The following PDE8A variants were observed in gnomAD, a reference collection of about 807,000 sequenced individuals.
PDE8A encodes phosphodiesterase 8A.
In PDE8A, 59 loss-of-function variants were observed where a neutral mutation model predicts 105.0. That is an observed-to-expected ratio of 0.56 (90% CI 0.46 to 0.70). The LOEUF (loss-of-function observed/expected upper bound fraction) is 0.70, where lower values mean the gene tolerates loss of function less well. Ranked by LOEUF, PDE8A falls within the 30% of genes least tolerant of loss-of-function variation. PDE8A has a pLI of 0.00. For synonymous variants in PDE8A, 355 were observed against 371.9 expected (o/e 0.95, Z 0.52); for missense variants, 1,014 against 1,045.9 (o/e 0.97, Z 0.42).
chr15:85,088,329 C>G (rs1222724855), intron 6 of PDE8A, among the ~76,000 whole-genome samples: 1 of 152,174 alleles, frequency 6.6e-6, no homozygotes, highest in Non-Finnish European at 1.5e-5. Flanking sequence ...CCAGCCCAAT[C>G]TACTTTCTGT....
At position 85,092,333 on chromosome 15, in the gene PDE8A, T is replaced by G. The variant is rs573274766; in HGVS notation, c.852+1152T>G. On this transcript the variant is annotated intron_variant, in intron 8 of 21. Transcript: ENST00000394553. ...CAAGGATTTTTTTTGTTGTTGTTTT[T>G]TTTTGTTTTGTTTCGTTTTTTTACT... Among the ~76,000 whole-genome samples, 1,309 of 151,830 alleles carry G rather than the reference T, an allele frequency of 8.6e-3. 6 individuals carry two copies. The highest frequency in any genetic ancestry group is 0.015 in the African/African-American group (599 of 41,306).
Position 85,107,455 on chromosome 15 carries a change from G to C in PDE8A, c.1037-1598G>C, listed in dbSNP as rs74027410. 5.6e-3 allele frequency among the ~76,000 whole-genome samples: 848 copies of C among 152,292 alleles called. 3 individuals carry two copies. The highest frequency in any genetic ancestry group is 0.018 in the African/African-American group (740 of 41,570). On this transcript the variant is annotated intron_variant, in intron 11 of 21. Transcript: ENST00000394553. ...AGAATAAGTTGAAAGGGATAAGGTTGGTGTTTTAGAACCAATCTGGGAGGC... is the reference window on the plus strand; with the variant it reads ...AGAATAAGTTGAAAGGGATAAGGTTCGTGTTTTAGAACCAATCTGGGAGGC...
At chr15:85,028,066 T>C (rs1239173459) in intron 1 of PDE8A, among the ~76,000 whole-genome samples, 3 of 152,260 alleles carry the variant, frequency 2.0e-5, no homozygotes, top group African/African-American at 4.8e-5. Context: ...TCTATTAATA[T>C]ATAACTAAAT....
In PDE8A at chr15:85,094,580, A is replaced by G. The variant is rs1325824315; in HGVS notation, c.853-3368A>G. ...AGCAATGGTTTTCTCTCATCTCCCA[A>G]AAACCCAATCTCTCTTCCAAATCCT... On this transcript the variant is annotated intron_variant, in intron 8 of 21. Transcript: ENST00000394553. Among the ~76,000 whole-genome samples the G allele has an allele frequency of 1.8e-4, 27 of 152,162 alleles. 1 individual carries two copies.
chr15:85,048,250 T>G lies in PDE8A; in HGVS notation c.187-16120T>G, dbSNP rs142136915. 2.7e-3 allele frequency among the ~76,000 whole-genome samples: 408 copies of G among 152,294 alleles called. 5 individuals are homozygous for G. The highest frequency in any genetic ancestry group is 9.3e-3 in the African/African-American group (386 of 41,582). ...GTTTGCTTCGTTGAAGGATAAAAACTGTACAGTTTTTACTTTAGGAATATA... is the reference window on the plus strand; with the variant it reads ...GTTTGCTTCGTTGAAGGATAAAAACGGTACAGTTTTTACTTTAGGAATATA... On this transcript the variant is annotated intron_variant, in intron 1 of 21. Coordinates refer to ENST00000394553, the MANE Select transcript of PDE8A (RefSeq NM_002605.3).
At chr15:85,125,704 T>C (rs764393177) in intron 19 of PDE8A, among the ~76,000 whole-genome samples, 1 of 152,196 alleles carries the variant, frequency 6.6e-6, no homozygotes, top group Non-Finnish European at 1.5e-5. Flanking sequence ...TTAGGTGTTA[T>C]CTTGGGAATC....
At chr15:85,049,026 TG>T (rs1219200072) in intron 1 of PDE8A, among the ~76,000 whole-genome samples, 2 of 152,058 alleles carry the variant, frequency 1.3e-5, no homozygotes, top group African/African-American at 4.8e-5. Context: ...TGCTTGAATC[TG>T]GGAAGTGGAG....
intron 1 of PDE8A, among the ~76,000 whole-genome samples, chr15:85,050,473 T>C (rs2080955996): frequency 6.6e-6 from 1 of 152,220 alleles, no homozygotes; most frequent in Non-Finnish European, 1.5e-5. Context: ...CTTCAATCCA[T>C]TTTGAATAAA....
At chr15:85,068,593 C>G (rs1243831482) in intron 3 of PDE8A, among the ~76,000 whole-genome samples, 1 of 152,024 alleles carries the variant, frequency 6.6e-6, no homozygotes, top group Non-Finnish European at 1.5e-5. Flanking sequence ...AGATACCACT[C>G]AGAGGAAGGG....
At chr15:85,098,641 T>C (rs1271876261) in intron 9 of PDE8A, among the ~76,000 whole-genome samples, 1 of 152,144 alleles carries the variant, frequency 6.6e-6, no homozygotes, top group Non-Finnish European at 1.5e-5. Flanking sequence ...TCACAGGTTC[T>C]AAGATGAGGG....
chr15:85,036,890 G>T (rs2080715871), intron 1 of PDE8A, among the ~76,000 whole-genome samples: 1 of 152,034 alleles, frequency 6.6e-6, no homozygotes, highest in Non-Finnish European at 1.5e-5. Flanking sequence ...ACCCTTTCCT[G>T]TCCTCCCTGC....
intron 11 of PDE8A, among the ~76,000 whole-genome samples, chr15:85,102,295 G>A (rs1210414651): frequency 6.6e-6 from 1 of 152,186 alleles, no homozygotes; most frequent in East Asian, 1.9e-4. Flanking sequence ...CAGGGCTGAA[G>A]CACACATAGG....
At chr15:85,102,839 CAAA>C (rs35165347) in intron 11 of PDE8A, among the ~76,000 whole-genome samples, 4 of 111,216 alleles carry the variant, frequency 3.6e-5, no homozygotes, top group African/African-American at 3.2e-5. Context: ...AACTCCATCT[CAAA>C]AAAAAAAAAA....
chr15:84,997,669 C>A (rs4980340), intron 1 of PDE8A, among the ~76,000 whole-genome samples: 1 of 152,028 alleles, frequency 6.6e-6, no homozygotes, highest in East Asian at 1.9e-4. Flanking sequence ...CTTGGCTCAC[C>A]GCAATCCCTG....
At chr15:84,984,203 C>T (rs2079766245) in intron 1 of PDE8A, among the ~76,000 whole-genome samples, 2 of 152,164 alleles carry the variant, frequency 1.3e-5, no homozygotes, top group African/African-American at 4.8e-5. Flanking sequence ...TAAATTATAA[C>T]ACCACAACCA....
intron 1 of PDE8A, among the ~76,000 whole-genome samples, chr15:85,003,277 C>T (rs896559107): frequency 6.6e-6 from 1 of 152,178 alleles, no homozygotes; most frequent in Non-Finnish European, 1.5e-5. Flanking sequence ...CTACTTTTTG[C>T]TGTTCAACAG....
chr15:85,111,719 A>T (rs1310511568), intron 12 of PDE8A, among the ~76,000 whole-genome samples: 4 of 152,214 alleles, frequency 2.6e-5, no homozygotes, highest in Admixed American at 2.6e-4. Context: ...TTATACACAC[A>T]TCCTCCTGGG....
intron 1 of PDE8A, among the ~76,000 whole-genome samples, chr15:85,041,170 A>T (rs7182132): frequency 6.6e-6 from 1 of 152,194 alleles, no homozygotes; most frequent in Admixed American, 6.5e-5. Flanking sequence ...GAAAATGTCA[A>T]CCAGAAGCAA....
At chr15:85,024,447 C>T (rs1161335291) in intron 1 of PDE8A, among the ~76,000 whole-genome samples, 1 of 152,090 alleles carries the variant, frequency 6.6e-6, no homozygotes, top group East Asian at 1.9e-4. Context: ...TTACAAGCCC[C>T]TTTCTTAGTT....
Sources: allele counts gnomAD v4.1 joint callset (sites outside exome capture counted in the v4.1 genomes callset), GRCh38; gene constraint gnomAD v4.1.1; transcripts MANE v1.5; gene names NCBI Gene and HGNC (gene_info 2026-07-23, HGNC 2026-07-21).